ANO2: variants seen among roughly 807,000 people sequenced by gnomAD.
ANO2 encodes anoctamin-2.
A neutral mutation model predicts 124.2 loss-of-function variants in ANO2; 101 were observed. The ratio of observed to expected loss-of-function variants is 0.81; its 90% CI spans 0.69 to 0.96. The LOEUF is 0.96. Ranked by LOEUF, ANO2 falls within the 40% of genes least tolerant of loss-of-function variation. The probability of loss-of-function intolerance (pLI) is 0.00; values close to 1 mark genes in which losing one functional copy is unlikely to be tolerated. For missense variants in ANO2, 1,293 were observed against 1,274.5 expected (o/e 1.01, Z -0.22); for synonymous variants, 486 against 482.5 (o/e 1.01, Z -0.09).
intron 15 of ANO2, among the ~76,000 whole-genome samples, chr12:5,646,980 G>A (rs1387463179): frequency 6.6e-6 from 1 of 152,170 alleles, no homozygotes; most frequent in African/African-American, 2.4e-5. Context: ...TGCAACTAAT[G>A]TGTAGCCCTA....
At chr12:5,629,718 G>A (rs146594532) in intron 16 of ANO2, among the ~76,000 whole-genome samples, 2 of 152,162 alleles carry the variant, frequency 1.3e-5, no homozygotes, top group East Asian at 1.9e-4. Context: ...TCCTACCCCC[G>A]CAGCACTCAA....
intron 9 of ANO2, among the ~76,000 whole-genome samples, chr12:5,805,245 G>A (rs1369200345): frequency 3.3e-5 from 5 of 152,148 alleles, no homozygotes; most frequent in African/African-American, 9.7e-5. Flanking sequence ...AGGCAACTTG[G>A]GGCATGAATG....
At chr12:5,738,701 G>A (rs1950973330) in intron 13 of ANO2, among the ~76,000 whole-genome samples, 1 of 152,162 alleles carries the variant, frequency 6.6e-6, no homozygotes, top group African/African-American at 2.4e-5. Flanking sequence ...CGGCTCACCA[G>A]CATCGGGAAT....
chr12:5,622,994 A>G (rs1242208832), intron 16 of ANO2, among the ~76,000 whole-genome samples: 1 of 151,228 alleles, frequency 6.6e-6, no homozygotes, highest in Non-Finnish European at 1.5e-5. Flanking sequence ...ACGAAAAGAA[A>G]GGAAGGAAAG....
At position 5,854,132 on chromosome 12, in the gene ANO2, G is replaced by A; in HGVS notation, c.544C>T (p.Gln182Ter). The A allele has an allele frequency of 1.2e-6, 2 of 1,612,828 alleles. No individual in the cohort carries two copies. The highest frequency in any genetic ancestry group is 8.5e-7 in the Non-Finnish European group (1 of 1,179,182). Residue 182 changes from glutamine (Q) to a stop codon, truncating the protein, a stop_gained, in exon 4 of 25, where the codon CAG (glutamine) becomes TAG (stop). Transcript: ENST00000682330. LOFTEE classifies it high-confidence loss of function. The part of the protein sequence containing the change: ...ELEKDLENKS[Q>*]GSIFVRIHAP... ...TGTATCCGGACAAAGATGGATCCCT[G>A]GCTTTTATTCTGCAAGGTACAAAGA...
chr12:5,635,265 G>A lies in ANO2; in HGVS notation c.1703C>T (p.Thr568Ile). The change falls in exon 16 of 25, where the codon ACA becomes ATA. Residue 568 changes from threonine (T) to isoleucine (I), a missense_variant. Transcript: ENST00000682330. This position sits in a 1 kb window ranked among gnomAD's most constrained non-coding sequence, Gnocchi z 5.2. ...TAAALSLNKA[T>I]RSNVRVTVTA... ...CACTGTCACCCGGACATTGGAGCGT[G>A]TAGCCTTATTGAGAGACAGAGCGGC... is the stretch of plus-strand genomic sequence containing the variant. 3 of 1,612,700 alleles carry A rather than the reference G, an allele frequency of 1.9e-6. No homozygotes were observed. The highest frequency in any genetic ancestry group is 2.5e-6 in the Non-Finnish European group (3 of 1,179,630).
At chr12:5,743,395 T>C (rs188893819) in intron 12 of ANO2, among the ~76,000 whole-genome samples, 13 of 152,264 alleles carry the variant, frequency 8.5e-5, no homozygotes, top group South Asian at 4.2e-4. Flanking sequence ...TTTCTAATAC[T>C]CATGGGTGTG....
intron 16 of ANO2, among the ~76,000 whole-genome samples, chr12:5,624,498 C>A (rs1296317829): frequency 6.6e-6 from 1 of 152,174 alleles, no homozygotes; most frequent in East Asian, 1.9e-4. Flanking sequence ...CTGGCAAATG[C>A]ACACACTGGT....
In ANO2 at chr12:5,583,610, G is replaced by A. The variant is rs1304437120; in HGVS notation, c.2234-5092C>T. Reference sequence around the variant, plus strand: ...GGAGCTTGCAGTGAGCCAAGATTGTGCCACTGCAATCCGGCCTGGGCTAAA... The same window carrying A: ...GGAGCTTGCAGTGAGCCAAGATTGTACCACTGCAATCCGGCCTGGGCTAAA... On this transcript the variant is annotated intron_variant, in intron 20 of 24. Coordinates refer to ENST00000682330, the MANE Select transcript of ANO2 (RefSeq NM_001364791.2). Among the ~76,000 whole-genome samples, 3 of 130,530 alleles carry A rather than the reference G, an allele frequency of 2.3e-5. No homozygotes were observed. The Admixed American group carries it at 2.7e-4, about 12-fold the overall frequency. The allele number at this position is 130,530 out of a possible 152,430, so 85.6% of individuals were successfully genotyped here. A position where few individuals can be genotyped will look rare whatever the true frequency, so the allele number is the denominator to read the frequency against.
At chr12:5,796,594 C>G (rs1289547378) in intron 10 of ANO2, among the ~76,000 whole-genome samples, 2 of 152,152 alleles carry the variant, frequency 1.3e-5, no homozygotes, top group African/African-American at 2.4e-5. Flanking sequence ...CCTGCAGGCC[C>G]CAGGTCTCCA....
Position 5,610,725 on chromosome 12 carries a change from T to TATATAC in ANO2, c.2087+1930_2087+1931insGTATAT, listed in dbSNP as rs1280417428. On this transcript the variant is annotated intron_variant, in intron 19 of 24. Coordinates refer to ENST00000682330, the MANE Select transcript of ANO2 (RefSeq NM_001364791.2). ...ACATGTATGTGTACACATATATACA[T>TATATAC]ATATATATATATATATATGAAAATA... Among the ~76,000 whole-genome samples, 58 of 129,502 alleles carry TATATAC rather than the reference T, an allele frequency of 4.5e-4. 1 individual carries two copies. Among genetic ancestry groups the TATATAC allele is most frequent in the East Asian group, 6.2e-4 (3 of 4,866 alleles). The allele number at this position is 129,502 out of a possible 152,430, so 85.0% of individuals were successfully genotyped here. A position where few individuals can be genotyped will look rare whatever the true frequency, so the allele number is the denominator to read the frequency against.
chr12:5,688,253 G>T (rs896960187), intron 14 of ANO2, among the ~76,000 whole-genome samples: 1 of 152,206 alleles, frequency 6.6e-6, no homozygotes. Context: ...TTTGGAATGT[G>T]CAGTGCTTTG....
intron 11 of ANO2, among the ~76,000 whole-genome samples, chr12:5,746,456 T>G (rs1951269661): frequency 6.6e-6 from 1 of 152,156 alleles, no homozygotes; most frequent in South Asian, 2.1e-4. Context: ...GACTTTGTAT[T>G]TTGTGAGAGA....
In ANO2 at chr12:5,612,743, C is replaced by A. The variant is rs1445268766; in HGVS notation, c.2000G>T (p.Gly667Val). 1.2e-6 allele frequency: 2 copies of A among 1,613,680 alleles called. No homozygotes were observed. The highest frequency in any genetic ancestry group is 2.2e-5 in the East Asian group (1 of 44,862). Residue 667 changes from glycine (G) to valine (V), a missense_variant, in exon 19 of 25, where the codon GGC becomes GTC. Gly to Val is a moderately radical substitution (Grantham distance 109). Transcript: ENST00000682330. ...CTGAATGCAGAGCTCCATGAGACAG[C>A]CCCCTGGAGCACACTGCAGGGAGAA... ...GYRMEECAPG[G>V]CLMELCIQLS...
intron 14 of ANO2, among the ~76,000 whole-genome samples, chr12:5,692,983 T>G (rs899428823): frequency 2.6e-5 from 4 of 152,196 alleles, no homozygotes; most frequent in Non-Finnish European, 5.9e-5. Flanking sequence ...CCCCTGGGAC[T>G]CCACTTTTTG....
chr12:5,799,079 G>A (rs1016548054), intron 10 of ANO2, among the ~76,000 whole-genome samples: 1 of 152,214 alleles, frequency 6.6e-6, no homozygotes, highest in African/African-American at 2.4e-5. Flanking sequence ...ATTCTGTCAG[G>A]CCAACCAGCA....
intron 20 of ANO2, among the ~76,000 whole-genome samples, chr12:5,586,802 T>G (rs1330823448): frequency 1.3e-5 from 2 of 152,170 alleles, no homozygotes; most frequent in Admixed American, 6.5e-5. Flanking sequence ...GACTCTGGAG[T>G]ATTTGCTACA....
intron 4 of ANO2, among the ~76,000 whole-genome samples, chr12:5,837,204 ATCC>A: frequency 2.9e-5 from 3 of 102,434 alleles, no homozygotes; most frequent in Non-Finnish European, 4.7e-5. Context: ...GGAGTGCAGC[ATCC>A]ACGGGGCCAG....
intron 24 of ANO2, chr12:5,564,337 A>G (rs927172701): frequency 6.6e-6 from 1 of 152,478 alleles, no homozygotes; most frequent in African/African-American, 2.4e-5. Context: ...TTACTGTCTC[A>G]ATGAATGAAT....
Sources: gnomAD v4.1 joint callset for allele counts (sites outside exome capture counted in the v4.1 genomes callset) on GRCh38, gnomAD v4.1.1 for gene constraint, Gnocchi (gnomAD v3.1) non-coding constraint, MANE v1.5 for transcripts, NCBI Gene and HGNC (gene_info 2026-07-23, HGNC 2026-07-21) for gene names.